The following SP140 variants were observed in gnomAD, a reference collection of about 807,000 sequenced individuals.
The protein encoded by SP140 is SP140 nuclear body protein.
Under a neutral mutation model 125.0 loss-of-function variants are expected in SP140, and 81 were observed. The observed-to-expected ratio is 0.65, with a 90% CI of 0.54 to 0.78. The LOEUF (loss-of-function observed/expected upper bound fraction) is 0.78, where lower values mean the gene tolerates loss of function less well. Among genes scored for constraint, SP140 ranks in the 30% least tolerant of loss-of-function variants. SP140 has a pLI of 0.00. For missense variants in SP140, 858 were observed against 1,037.0 expected, an observed-to-expected ratio of 0.83 and a Z score of 2.37; for synonymous variants, 312 against 354.0, an observed-to-expected ratio of 0.88 and a Z score of 1.33.
chr2:230,288,524 T>TCTTTCTTTCTTC (rs1575230859), intron 18 of SP140, among the ~76,000 whole-genome samples: 6 of 139,554 alleles, frequency 4.3e-5, no homozygotes, highest in African/African-American at 8.0e-5. Flanking sequence ...TTTCTTTCTT[T>TCTTTCTTTCTTC]TTTTATTCTT....
chr2:230,238,722 C>T (rs186735943), intron 3 of SP140: 1 of 1,427,494 alleles, frequency 7.0e-7, no homozygotes, highest in South Asian at 1.2e-5. Context: ...CTGATATTTG[C>T]AGATATGTTC....
chr2:230,303,341 C>T (rs1405175300), intron 22 of SP140, among the ~76,000 whole-genome samples: 4 of 152,082 alleles, frequency 2.6e-5, no homozygotes, highest in Admixed American at 2.6e-4. Context: ...ATATACAACC[C>T]TCCTAGATTA....
At chr2:230,213,079 T>C in intron 1 of SP140, 6 of 1,587,562 alleles carry the variant, frequency 3.8e-6, no homozygotes, top group Non-Finnish European at 5.2e-6. Context: ...CAGAATTACT[T>C]GGGGAAGGGG....
chr2:230,270,296 C>T (rs995900572), intron 14 of SP140, among the ~76,000 whole-genome samples: 2 of 152,088 alleles, frequency 1.3e-5, no homozygotes, highest in African/African-American at 4.8e-5. Context: ...TTTGCTACAA[C>T]TTAGAAAGGC....
chr2:230,205,619 G>A (rs1222958358), intron 1 of SP140, among the ~76,000 whole-genome samples: 3 of 152,058 alleles, frequency 2.0e-5, no homozygotes, highest in Non-Finnish European at 4.4e-5. Context: ...TCTGTCTTCA[G>A]CTTTCAGAAT....
At chr2:230,290,343 A>C (rs1019700917) in intron 18 of SP140, 117 bp from the exon 19 acceptor site, 30 of 897,570 alleles carry the variant, frequency 3.3e-5, no homozygotes, top group Non-Finnish European at 5.0e-5. Context: ...GAAACTCTAG[A>C]GGGTTTTGGA....
At chr2:230,282,703 G>A (rs1396413089) in intron 15 of SP140, among the ~76,000 whole-genome samples, 2 of 152,156 alleles carry the variant, frequency 1.3e-5, no homozygotes, top group Admixed American at 6.5e-5. Flanking sequence ...GCACCTCTAA[G>A]GTACAAGTCC....
At chr2:230,283,302 C>T (rs2055878553) in intron 15 of SP140, among the ~76,000 whole-genome samples, 1 of 152,240 alleles carries the variant, frequency 6.6e-6, no homozygotes, top group African/African-American at 2.4e-5. Flanking sequence ...GCAAAATCTG[C>T]TATACCATTC....
intron 8 of SP140, 133 bp from the exon 9 acceptor site, chr2:230,248,752 G>C: frequency 1.5e-6 from 1 of 671,606 alleles, no homozygotes; most frequent in Admixed American, 2.6e-5. Context: ...AAGAGGAGCT[G>C]CAACAAGGTG....
chr2:230,279,646 G>C (rs920653275), intron 15 of SP140, among the ~76,000 whole-genome samples: 3 of 152,056 alleles, frequency 2.0e-5, no homozygotes, highest in Non-Finnish European at 4.4e-5. Context: ...ATCACCTTAA[G>C]GTATAACCTA....
chr2:230,275,036 A>T (rs2054510035), intron 15 of SP140, among the ~76,000 whole-genome samples: 1 of 151,884 alleles, frequency 6.6e-6, no homozygotes, highest in Admixed American at 6.6e-5. Context: ...AGCATTCTTC[A>T]TTTGTTATTG....
intron 18 of SP140, 24 bp downstream of exon 18, chr2:230,287,990 C>A: frequency 6.4e-7 from 1 of 1,571,858 alleles, no homozygotes; most frequent in Non-Finnish European, 8.7e-7. Flanking sequence ...CAGGAATGAA[C>A]TTTCAATAAC....
At chr2:230,188,341 T>C in the SP140 span, among the ~76,000 whole-genome samples, 1 of 152,198 alleles carries the variant, frequency 6.6e-6, no homozygotes, top group Non-Finnish European at 1.5e-5. Context: ...TTTGATTTTG[T>C]AACCTGAGAC....
At chr2:230,290,616 AG>A (rs2149479305) in intron 19 of SP140, 52 bp downstream of exon 19, 4 of 1,397,380 alleles carry the variant, frequency 2.9e-6, no homozygotes, top group Non-Finnish European at 4.0e-6. Flanking sequence ...AGGCATCACA[AG>A]TAGTGGGGAA....
At chr2:230,219,344 G>A (rs181708931) in intron 3 of SP140, among the ~76,000 whole-genome samples, 3 of 152,334 alleles carry the variant, frequency 2.0e-5, no homozygotes, top group African/African-American at 4.8e-5. Flanking sequence ...ACTGTGAGTG[G>A]GAAGGTCAAC....
chr2:230,269,639 G>A (rs765126264), intron 13 of SP140, 21 bp downstream of exon 13: 6 of 1,390,678 alleles, frequency 4.3e-6, no homozygotes, highest in Admixed American at 2.2e-5. Flanking sequence ...CTTAAAAATA[G>A]TGAAAACAGA....
chr2:230,227,350 A>G (rs957819384), intron 1 of SP140, among the ~76,000 whole-genome samples: 2 of 152,208 alleles, frequency 1.3e-5, no homozygotes, highest in African/African-American at 4.8e-5. Flanking sequence ...TGAAGGGAAG[A>G]TGAGCCAGCG....
At chr2:230,216,719 C>T (rs952192232) in intron 3 of SP140, 19 of 1,600,240 alleles carry the variant, frequency 1.2e-5, no homozygotes, top group East Asian at 1.1e-4. Context: ...TGGTTTGAGA[C>T]TTTAATAATC....
chr2:230,199,229 GACAGAGTCT>G (rs755061625), upstream of SP140, among the ~76,000 whole-genome samples: 17 of 94,262 alleles, frequency 1.8e-4, no homozygotes, highest in Non-Finnish European at 3.1e-4. Context: ...TTTTTTTTGA[GACAGAGTCT>G]CACTCTGTCA....
Sources: gnomAD v4.1 joint callset for allele counts (sites outside exome capture counted in the v4.1 genomes callset) on GRCh38, gnomAD v4.1.1 for gene constraint, MANE v1.5 for transcripts, NCBI Gene and HGNC (gene_info 2026-07-23, HGNC 2026-07-21) for gene names.